The following ALPK1 variants were observed in gnomAD, a reference collection of about 807,000 sequenced individuals.
ALPK1 encodes alpha kinase 1.
ALPK1 carries 110 observed loss-of-function variants against 120.6 expected under a neutral mutation model. The observed-to-expected ratio is 0.91, with a 90% confidence interval of 0.78 to 1.07. ALPK1 has a LOEUF of 1.07. Ranked by LOEUF, ALPK1 falls within the 50% of genes least tolerant of loss-of-function variation. The probability of loss-of-function intolerance (pLI) is 0.00; values close to 1 mark genes in which losing one functional copy is unlikely to be tolerated. For synonymous variants in ALPK1, 582 were observed against 560.3 expected, an observed-to-expected ratio of 1.04 and a Z score of -0.55; for missense variants, 1,498 against 1,483.9, an observed-to-expected ratio of 1.01 and a Z score of -0.16.
chr4:112,423,806 T>A (rs7654378), intron 5 of ALPK1, 138 bp from the exon 6 acceptor site: 3 of 831,334 alleles, frequency 3.6e-6, no homozygotes, highest in African/African-American at 3.4e-5. Context: ...CATTGTTGAT[T>A]TTAAATTATA....
rs1553965152 is a variant in ALPK1, at chr4:112,440,812, A to AGTATGT, written c.3539-103_3539-102insATGTGT. 1.5e-3 allele frequency: 1,946 copies of AGTATGT among 1,328,134 alleles called. 19 individuals are homozygous for AGTATGT. The African/African-American group carries it at 0.026, about 18-fold the overall frequency. The allele number at this position is 1,328,134 out of a possible 1,614,324, so 82.3% of individuals were successfully genotyped here. A position where few individuals can be genotyped will look rare whatever the true frequency, so the allele number is the denominator to read the frequency against. ...GCCAAGTTTTTGAATTATCTCTTTA[A>AGTATGT]GTGTGTGTGTGTGTGTGTGTGTGTG... On this transcript the variant is annotated intron_variant, in intron 14 of 15. Transcript: ENST00000650871.
intron 2 of ALPK1, among the ~76,000 whole-genome samples, chr4:112,344,406 G>A (rs1730015231): frequency 6.6e-6 from 1 of 152,188 alleles, no homozygotes; most frequent in Non-Finnish European, 1.5e-5. Context: ...CTTTTTGTCT[G>A]TCTCTTTCTA....
At chr4:112,356,169 A>T in intron 2 of ALPK1, 1 of 1,607,790 alleles carries the variant, frequency 6.2e-7, no homozygotes, top group Non-Finnish European at 8.5e-7. Context: ...GTGACCGTAG[A>T]CTTCCCTTCC....
At chr4:112,396,818 C>T (rs1056645118) in intron 4 of ALPK1, among the ~76,000 whole-genome samples, 4 of 151,910 alleles carry the variant, frequency 2.6e-5, no homozygotes, top group African/African-American at 4.8e-5. Context: ...CACTCTGTCA[C>T]CCAGGCTGGA....
rs1399765754 is a variant in ALPK1, at chr4:112,432,391, GT to G, written c.2845del (p.Ser949ProfsTer3). On this transcript the variant is annotated frameshift_variant, in exon 11 of 16. Coordinates refer to ENST00000650871, the MANE Select transcript of ALPK1 (RefSeq NM_025144.4). LOFTEE classifies it high-confidence loss of function. ...GTTCTTCTGAGGGGGACAGCCCTTG[GT>G]CCTATCTGAATTCCAGTGGGAGTTC... The part of the protein sequence containing the change: ...SGSSEGDSPW[S>X]YLNSSGSSWV... 1.2e-6 allele frequency: 2 copies of G among 1,614,158 alleles called. No individual in the cohort carries two copies.
chr4:112,355,886 G>A (rs1195149423), intron 2 of ALPK1, among the ~76,000 whole-genome samples: 2 of 152,264 alleles, frequency 1.3e-5, no homozygotes, highest in Non-Finnish European at 2.9e-5. Flanking sequence ...GGGGGACCCG[G>A]TGGCAGCGCT....
intron 2 of ALPK1, among the ~76,000 whole-genome samples, chr4:112,351,484 A>AT (rs11303182): frequency 3.3e-4 from 49 of 149,024 alleles, no homozygotes; most frequent in Middle Eastern, 3.5e-3. Context: ...CTTTTTTTTC[A>AT]TTTTTTTTTT....
At chr4:112,378,092 T>C (rs1005484400) in intron 3 of ALPK1, among the ~76,000 whole-genome samples, 194 bp downstream of exon 3, 1 of 152,024 alleles carries the variant, frequency 6.6e-6, no homozygotes, top group African/African-American at 2.4e-5. Context: ...CCCACTTTGT[T>C]GCACTGAATT....
At chr4:112,432,632 G>A (rs1734623800) in intron 11 of ALPK1, 51 bp downstream of exon 11, 1 of 1,547,388 alleles carries the variant, frequency 6.5e-7, no homozygotes, top group Non-Finnish European at 8.7e-7. Context: ...GCTGTGTTGG[G>A]GCACTCTGAA....
chr4:112,328,989 A>C (rs1729238118), intron 2 of ALPK1, among the ~76,000 whole-genome samples: 1 of 152,214 alleles, frequency 6.6e-6, no homozygotes, highest in African/African-American at 2.4e-5. Context: ...GTCATTTATC[A>C]CAAGGCTGTA....
chr4:112,431,114 A>C lies in ALPK1; in HGVS notation c.1567A>C (p.Met523Leu). 6.2e-7 allele frequency: 1 copy of C among 1,614,192 alleles called. No homozygotes were observed. Among genetic ancestry groups the C allele is most frequent in the Non-Finnish European group, 8.5e-7 (1 of 1,180,040 alleles). The change falls in exon 11 of 16, where the codon ATG becomes CTG. Residue 523 changes from methionine to leucine, a missense_variant. Transcript: ENST00000650871. Reference protein sequence around the residue: ...QRDTGISSSLMGKNVQRELRR... With the variant: ...QRDTGISSSLLGKNVQRELRR... ...AGACACAGGAATATCTTCCTCCCTA[A>C]TGGGTAAGAATGTTCAGAGGGAACT...
intron 4 of ALPK1, chr4:112,382,817 A>G (rs1731987075): frequency 5.0e-6 from 2 of 396,674 alleles, no homozygotes; most frequent in Non-Finnish European, 4.6e-6. Context: ...AAATATTTAC[A>G]TATCCTTGGT....
intron 11 of ALPK1, among the ~76,000 whole-genome samples, chr4:112,434,048 G>A (rs944692030): frequency 6.6e-6 from 1 of 152,116 alleles, no homozygotes; most frequent in Non-Finnish European, 1.5e-5. Context: ...CCAAAAAAAA[G>A]CAAAAATTTC....
intron 2 of ALPK1, among the ~76,000 whole-genome samples, chr4:112,319,056 A>C (rs1045583523): frequency 1.3e-5 from 2 of 152,168 alleles, no homozygotes; most frequent in Non-Finnish European, 2.9e-5. Context: ...GCTTTCTAAG[A>C]ACCTATCTGG....
chr4:112,338,822 A>G (rs754989711), intron 2 of ALPK1, among the ~76,000 whole-genome samples: 1 of 152,214 alleles, frequency 6.6e-6, no homozygotes, highest in Non-Finnish European at 1.5e-5. Flanking sequence ...TTAATTTCTG[A>G]AAGTGCCAAA....
In ALPK1 at chr4:112,382,566, C is replaced by T. The variant is rs1281370879; in HGVS notation, c.276+14C>T. ...CAGCAGTTACTGGTAGGAAGAGCCA[C>T]ACCACCTGTTCCTCTGATATCCCCA... On this transcript the variant is annotated intron_variant, in intron 4 of 15. Coordinates refer to ENST00000650871, the MANE Select transcript of ALPK1 (RefSeq NM_025144.4). 1 of 1,614,032 alleles carries T rather than the reference C, an allele frequency of 6.2e-7. No homozygotes were observed.
chr4:112,441,280 A>G lies in ALPK1; in HGVS notation c.*70A>G, dbSNP rs1304091212. The stretch of plus-strand genomic sequence containing the variant: ...CACAGGTTCTGGCCAATGATTTGCA[A>G]GAGGAATTGATCAGTATCACTTTAA... On this transcript the variant is annotated 3_prime_UTR_variant, in exon 16 of 16. Transcript: ENST00000650871. 1.9e-6 allele frequency: 2 copies of G among 1,028,760 alleles called. No homozygotes were observed. The highest frequency in any genetic ancestry group is 3.2e-5 in the African/African-American group (2 of 63,210). The allele number at this position is 1,028,760 out of a possible 1,614,324, so 63.7% of individuals were successfully genotyped here.
chr4:112,305,567 A>G (rs1183410588), intron 1 of ALPK1, among the ~76,000 whole-genome samples: 6 of 152,210 alleles, frequency 3.9e-5, no homozygotes, highest in Admixed American at 2.6e-4. Flanking sequence ...TTATTGGTGT[A>G]TAAGAATGCT....
chr4:112,330,978 C>T (rs1729343320), intron 2 of ALPK1, among the ~76,000 whole-genome samples: 1 of 152,188 alleles, frequency 6.6e-6, no homozygotes, highest in African/African-American at 2.4e-5. Flanking sequence ...GCTACAACTC[C>T]ATGATGAAAG....
Sources: allele counts gnomAD v4.1 joint callset (sites outside exome capture counted in the v4.1 genomes callset), GRCh38; gene constraint gnomAD v4.1.1; transcripts MANE v1.5; gene names NCBI Gene and HGNC (gene_info 2026-07-23, HGNC 2026-07-21).